Variants in IGDCC4 observed in about 807,000 individuals in gnomAD.
IGDCC4 encodes the protein immunoglobulin superfamily DCC subclass member 4, also known as likely ortholog of mouse neighbor of Punc E11.
A neutral mutation model predicts 116.6 loss-of-function variants in IGDCC4; 72 were observed. The observed-to-expected ratio is 0.62, with a 90% CI of 0.51 to 0.75. IGDCC4 has a LOEUF of 0.75. Ranked by LOEUF, IGDCC4 falls within the 30% of genes least tolerant of loss-of-function variation. The probability of loss-of-function intolerance (pLI) is 0.00; values close to 1 mark genes in which losing one functional copy is unlikely to be tolerated. For synonymous variants in IGDCC4, 709 were observed against 719.9 expected, an observed-to-expected ratio of 0.98 and a Z score of 0.24; for missense variants, 1,501 against 1,662.4, an observed-to-expected ratio of 0.90 and a Z score of 1.69.
At chr15:65,420,897 C>T (rs1224597662) in intron 1 of IGDCC4, among the ~76,000 whole-genome samples, 1 of 152,108 alleles carries the variant, frequency 6.6e-6, no homozygotes, top group African/African-American at 2.4e-5. Context: ...TGTCAGTTTC[C>T]CCCTCCACCA....
At chr15:65,415,259 A>G (rs555892148) in intron 1 of IGDCC4, among the ~76,000 whole-genome samples, 61 of 152,194 alleles carry the variant, frequency 4.0e-4, no homozygotes, top group Non-Finnish European at 7.5e-4. Context: ...CCCCTAAAGC[A>G]TGTCCCAGGC....
At chr15:65,395,315 C>G in intron 7 of IGDCC4, 57 bp from the exon 8 acceptor site, 2 of 1,550,414 alleles carry the variant, frequency 1.3e-6, no homozygotes, top group Non-Finnish European at 1.8e-6. Flanking sequence ...TGCTGGCTAG[C>G]TGGAGTCTGT....
At chr15:65,422,370 CCCT>C (rs200498166) in intron 1 of IGDCC4, among the ~76,000 whole-genome samples, 1 of 151,966 alleles carries the variant, frequency 6.6e-6, no homozygotes, top group Non-Finnish European at 1.5e-5. Context: ...AACCCCAGTT[CCCT>C]CCTCTTTTAC....
In IGDCC4 at chr15:65,398,533, C is replaced by CAAAA. The variant is rs3082803; in HGVS notation, c.842-1548_842-1545dup. On this transcript the variant is annotated intron_variant, in intron 5 of 19. Transcript: ENST00000352385. ...TGGGAAACAGAGCAAAACTCCATCT[C>CAAAA]AAAAAAAAAAAAAAAAAAAAAAAGA... Among the ~76,000 whole-genome samples, 258 of 77,022 alleles carry CAAAA rather than the reference C, an allele frequency of 3.3e-3. 1 individual carries two copies. Among genetic ancestry groups the CAAAA allele is most frequent in the African/African-American group, 8.8e-3 (182 of 20,708 alleles). 50.5% of individuals were successfully genotyped at this position (77,022 alleles called of 152,430 possible). A position where few individuals can be genotyped will look rare whatever the true frequency, so the allele number is the denominator to read the frequency against.
chr15:65,400,390 T>C (rs748092995), intron 5 of IGDCC4, among the ~76,000 whole-genome samples: 3 of 152,250 alleles, frequency 2.0e-5, no homozygotes, highest in Non-Finnish European at 4.4e-5. Flanking sequence ...GCTTGCCTTA[T>C]AGTTGCACGG....
intron 5 of IGDCC4, among the ~76,000 whole-genome samples, chr15:65,398,815 G>A (rs1164781147): frequency 2.0e-5 from 3 of 151,912 alleles, no homozygotes; most frequent in South Asian, 2.1e-4. Flanking sequence ...CGCTTGAACC[G>A]GGAGGCGGAA....
Position 65,384,541 on chromosome 15 carries a change from G to A in IGDCC4, c.3343-122C>T. 1.0e-6 allele frequency: 1 copy of A among 974,592 alleles called. No homozygotes were observed. The highest frequency in any genetic ancestry group is 1.5e-6 in the Non-Finnish European group (1 of 675,262). The allele number at this position is 974,592 out of a possible 1,614,324, so 60.4% of individuals were successfully genotyped here. ...CAGAGTAAGTATCACATGGGAGTCG[G>A]TGAAGGATACACAGGAACTGTTCGA... On this transcript the variant is annotated intron_variant, in intron 19 of 19. Transcript: ENST00000352385. The surrounding 1 kb of genome is among the most constrained non-coding windows in gnomAD (Gnocchi z 4.9).
intron 12 of IGDCC4, among the ~76,000 whole-genome samples, chr15:65,390,894 A>G (rs992410520): frequency 6.6e-6 from 1 of 152,232 alleles, no homozygotes; most frequent in East Asian, 1.9e-4. Context: ...GGCACTTAGT[A>G]GACACTCAGC....
intron 3 of IGDCC4, among the ~76,000 whole-genome samples, chr15:65,409,279 A>C (rs1031790031): frequency 3.3e-5 from 5 of 152,186 alleles, no homozygotes; most frequent in East Asian, 3.8e-4. Flanking sequence ...CAACACAGGC[A>C]ACAGAAGGTT....
In IGDCC4 at chr15:65,390,248, T is replaced by C; in HGVS notation, c.2315A>G (p.Lys772Arg). 1 of 1,613,286 alleles carries C rather than the reference T, an allele frequency of 6.2e-7. No homozygotes were observed. The change falls in exon 13 of 20, where the codon AAG becomes AGG. Residue 772 changes from lysine to arginine, a missense_variant. Transcript: ENST00000352385. ...SSTSIWLRWK[K>R]PDFTTVKIVN... ...AATCTTGACTGTGGTGAAATCTGGC[T>C]TTTTCCACCGAAGCCAGATGGATGT...
At chr15:65,402,566 A>G (rs1221141628) in intron 3 of IGDCC4, 79 bp from the exon 4 acceptor site, 1 of 1,504,670 alleles carries the variant, frequency 6.6e-7, no homozygotes, top group Non-Finnish European at 9.0e-7. Flanking sequence ...GATAAATGCA[A>G]ATTAAAACTC....
intron 5 of IGDCC4, 148 bp downstream of exon 5, chr15:65,400,658 C>T (rs2062975288): frequency 1.0e-6 from 1 of 969,058 alleles, no homozygotes; most frequent in Non-Finnish European, 1.5e-6. Flanking sequence ...CCTTGACCAC[C>T]ACACCCAGCC....
chr15:65,413,103 G>C (rs2063113650), intron 1 of IGDCC4, among the ~76,000 whole-genome samples: 2 of 151,632 alleles, frequency 1.3e-5, no homozygotes, highest in Admixed American at 6.6e-5. Flanking sequence ...ATAAGTCCCA[G>C]CTGTTTGGGG....
intron 3 of IGDCC4, 146 bp from the exon 4 acceptor site, chr15:65,402,633 C>T (rs900321467): frequency 1.1e-5 from 12 of 1,063,306 alleles, no homozygotes; most frequent in Admixed American, 8.4e-5. Flanking sequence ...CTTTGGGAGG[C>T]GAGGCGGGCG....
At chr15:65,397,724 A>G (rs2062941580) in intron 5 of IGDCC4, among the ~76,000 whole-genome samples, 1 of 152,114 alleles carries the variant, frequency 6.6e-6, no homozygotes, top group African/African-American at 2.4e-5. Flanking sequence ...CATCAACTTG[A>G]GAACATTTTT....
intron 14 of IGDCC4, 93 bp downstream of exon 14, chr15:65,389,191 A>G: frequency 6.5e-7 from 1 of 1,542,796 alleles, no homozygotes; most frequent in Admixed American, 2.0e-5. Context: ...GCTCTGCCCA[A>G]ACCTTGGGGT....
intron 5 of IGDCC4, among the ~76,000 whole-genome samples, chr15:65,398,533 C>CAA (rs3082803): frequency 0.025 from 1,921 of 77,266 alleles, 58 homozygotes; most frequent in African/African-American, 0.084. Flanking sequence ...AACTCCATCT[C>CAA]AAAAAAAAAA....
At chr15:65,397,024 G>T in intron 5 of IGDCC4, 35 bp from the exon 6 acceptor site, 1 of 1,560,560 alleles carries the variant, frequency 6.4e-7, no homozygotes, top group Non-Finnish European at 8.7e-7. Context: ...TGGAGGGGAC[G>T]CTAGGGACTG....
chr15:65,411,098 T>C lies in IGDCC4; in HGVS notation c.343A>G (p.Ile115Val), dbSNP rs756533372. 7 of 1,614,208 alleles carry C rather than the reference T, an allele frequency of 4.3e-6. No individual in the cohort carries two copies. The highest frequency in any genetic ancestry group is 5.9e-6 in the Non-Finnish European group (7 of 1,180,032). ...GCTAGGCACGAATAGTTGCCTTCAA[T>C]GACCCCCACAGCCTCAGGGACTGAC... ...DESVPEAVGV[I>V]EGNYSCLAHG... is the part of the protein sequence containing the mutation. The change falls in exon 2 of 20, where the codon ATT becomes GTT. Residue 115 changes from isoleucine to valine, a missense_variant. Ile to Val is a conservative substitution (Grantham distance 29, BLOSUM62 3). Transcript: ENST00000352385.
Sources: gnomAD v4.1 joint callset for allele counts (sites outside exome capture counted in the v4.1 genomes callset) on GRCh38, gnomAD v4.1.1 for gene constraint, Gnocchi (gnomAD v3.1) non-coding constraint, MANE v1.5 for transcripts, NCBI Gene and HGNC (gene_info 2026-07-23, HGNC 2026-07-21) for gene names.